Variants in CTSC observed in about 807,000 individuals in gnomAD.
CTSC encodes dipeptidyl peptidase 1.
In CTSC, 37 loss-of-function variants were observed where a neutral mutation model predicts 40.9. The ratio of observed to expected loss-of-function variants is 0.91; its 90% CI spans 0.70 to 1.19. The LOEUF is 1.19. CTSC is among the 50% of genes most tolerant of loss of function. CTSC has a pLI of 0.00. For synonymous variants in CTSC, 232 were observed against 207.4 expected, an observed-to-expected ratio of 1.12 and a Z score of -1.02; for missense variants, 594 against 567.3, an observed-to-expected ratio of 1.05 and a Z score of -0.48.
At chr11:88,302,042 G>A (rs1944370832) in intron 4 of CTSC, among the ~76,000 whole-genome samples, 2 of 152,100 alleles carry the variant, frequency 1.3e-5, no homozygotes, top group South Asian at 4.1e-4. Context: ...CCAGCCCCCA[G>A]CGAAAACTCA....
At chr11:88,296,516 A>G (rs1944301071) in intron 5 of CTSC, 3 of 419,368 alleles carry the variant, frequency 7.2e-6, no homozygotes, top group African/African-American at 6.1e-5. Context: ...TTAGAAACTA[A>G]AAAAACCCCT....
chr11:88,327,343 T>C (rs1182394381), intron 2 of CTSC, among the ~76,000 whole-genome samples: 1 of 152,152 alleles, frequency 6.6e-6, no homozygotes, highest in Non-Finnish European at 1.5e-5. Context: ...CCAGTTCCCT[T>C]TTTCATATCT....
intron 4 of CTSC, 41 bp downstream of exon 4, chr11:88,309,122 C>A (rs1937694699): frequency 1.3e-6 from 2 of 1,581,376 alleles, no homozygotes; most frequent in East Asian, 4.5e-5. Flanking sequence ...TGGTATTCAG[C>A]ATTCATATTT....
chr11:88,310,288 G>T (rs1937724033), intron 3 of CTSC, among the ~76,000 whole-genome samples: 1 of 150,832 alleles, frequency 6.6e-6, no homozygotes, highest in South Asian at 2.1e-4. Context: ...TATGTAAATA[G>T]ATTCAACACA....
At chr11:88,334,132 C>A (rs946754317) in intron 2 of CTSC, among the ~76,000 whole-genome samples, 1 of 152,130 alleles carries the variant, frequency 6.6e-6, no homozygotes, top group South Asian at 2.1e-4. Context: ...AAACCTTTCA[C>A]CATGAAAAAG....
In CTSC at chr11:88,326,714, T is replaced by C. The variant is rs409852; in HGVS notation, c.318+8223A>G. Among the ~76,000 whole-genome samples, 117,217 of 151,460 alleles carry C rather than the reference T, an allele frequency of 0.77. 45,609 individuals carry two copies. Among genetic ancestry groups the C allele is most frequent in the East Asian group, 1 (5,156 of 5,164 alleles). On this transcript the variant is annotated intron_variant, in intron 2 of 6. Transcript: ENST00000227266. The stretch of plus-strand genomic sequence containing the variant: ...CTGCCACTGAAAAAAACGAATATGT[T>C]TCTGAAACATACTTAAGAAACAGGC...
intron 2 of CTSC, among the ~76,000 whole-genome samples, chr11:88,330,591 G>C (rs185387600): frequency 1.3e-5 from 2 of 151,834 alleles, no homozygotes; most frequent in Admixed American, 6.6e-5. Flanking sequence ...TCAGGTGATC[G>C]CCTGTCTCGG....
chr11:88,324,176 T>C (rs1938114374), intron 2 of CTSC: 1 of 153,484 alleles, frequency 6.5e-6, no homozygotes, highest in African/African-American at 2.4e-5. Flanking sequence ...ATTTAATAAA[T>C]GGTGCTGGGA....
At chr11:88,306,427 G>A (rs150122393) in intron 4 of CTSC, among the ~76,000 whole-genome samples, 50 of 152,094 alleles carry the variant, frequency 3.3e-4, no homozygotes, top group African/African-American at 8.4e-4. Flanking sequence ...CTTTTGGCCC[G>A]CCATGCCCCC....
At position 88,337,623 on chromosome 11, in the gene CTSC, G is replaced by A; in HGVS notation, c.50C>T (p.Ser17Phe). Residue 17 changes from serine (S) to phenylalanine (F), a missense_variant, in exon 1 of 7, where the codon TCC becomes TTC. Coordinates refer to ENST00000227266, the MANE Select transcript of CTSC (RefSeq NM_001814.6). ...LLLAALLLLL[S>F]GDGAVRCDTP... is the part of the protein sequence containing the mutation. ...GTCGCAGCGCACGGCGCCGTCGCCG[G>A]AGAGAAGCAGCAGGAGGGCGGCGAG... is the stretch of plus-strand genomic sequence containing the variant. 4 of 1,583,762 alleles carry A rather than the reference G, an allele frequency of 2.5e-6. No homozygotes were observed. Among genetic ancestry groups the A allele is most frequent in the Non-Finnish European group, 1.7e-6 (2 of 1,164,406 alleles).
chr11:88,318,059 C>G (rs948768127), intron 2 of CTSC, among the ~76,000 whole-genome samples: 3 of 152,134 alleles, frequency 2.0e-5, no homozygotes, highest in African/African-American at 7.2e-5. Context: ...TTTTTGGGAA[C>G]TGAAGTTATT....
intron 2 of CTSC, chr11:88,325,004 T>C: frequency 1.6e-5 from 16 of 985,244 alleles, no homozygotes; most frequent in Non-Finnish European, 1.9e-5. Flanking sequence ...AATTCTTCTA[T>C]TCAAGCAGAA....
intron 2 of CTSC, chr11:88,328,229 T>A (rs1355953750): frequency 6.8e-7 from 1 of 1,462,650 alleles, no homozygotes; most frequent in East Asian, 2.3e-5. Flanking sequence ...AACTGAGTCA[T>A]TATGTTGAGA....
intron 2 of CTSC, among the ~76,000 whole-genome samples, chr11:88,316,808 TATCACAATGTCTGACAGTCCAA>T (rs1433104983): frequency 1.4e-4 from 21 of 152,232 alleles, no homozygotes; most frequent in African/African-American, 4.8e-4. Flanking sequence ...GATGCCAATA[TATCACAATGTCTGACAGTCCAA>T]ATCACAGTAT....
intron 2 of CTSC, among the ~76,000 whole-genome samples, chr11:88,316,475 CTAAA>C (rs4002985): frequency 1.0e-4 from 15 of 145,124 alleles, no homozygotes; most frequent in South Asian, 2.2e-4. Flanking sequence ...GATCCATTCT[CTAAA>C]TAAATAAATA....
Position 88,326,450 on chromosome 11 carries a change from G to C in CTSC, c.318+8487C>G, listed in dbSNP as rs143305083. ...CAGATGCTCTATTTAATAACTACAA[G>C]ACAATAAAAACTAGGGTTACAAGCC... On this transcript the variant is annotated intron_variant, in intron 2 of 6. Transcript: ENST00000227266. 3.9e-4 allele frequency: 625 copies of C among 1,597,952 alleles called. 4 individuals carry two copies. The African/African-American group carries it at 7.5e-3, about 19-fold the overall frequency.
rs1591239932 is a variant in CTSC at position 88,326,279 on chromosome 11, T to C, written c.318+8658A>G. ...GTAGGTCACCAGGACTCCTTTGCAT[T>C]TTGCATGCAAATAAAGACTCCAGAA... On this transcript the variant is annotated intron_variant, in intron 2 of 6. Transcript: ENST00000227266. 4 of 1,594,448 alleles carry C rather than the reference T, an allele frequency of 2.5e-6. No individual in the cohort carries two copies. The East Asian group carries it at 9.0e-5, about 36-fold the overall frequency.
intron 3 of CTSC, among the ~76,000 whole-genome samples, chr11:88,311,067 A>G (rs1937745021): frequency 6.6e-6 from 1 of 152,234 alleles, no homozygotes. Context: ...GATCATTAAG[A>G]GCTGAAAGAG....
At chr11:88,323,994 T>C (rs1189057633) in intron 2 of CTSC, 8 of 152,084 alleles carry the variant, frequency 5.3e-5, no homozygotes, top group Non-Finnish European at 4.4e-5. Context: ...GGAGGCATCA[T>C]GCTATCTTTC....
Sources: gnomAD v4.1 joint callset for allele counts (sites outside exome capture counted in the v4.1 genomes callset) on GRCh38, gnomAD v4.1.1 for gene constraint, MANE v1.5 for transcripts, NCBI Gene and HGNC (gene_info 2026-07-23, HGNC 2026-07-21) for gene names.